The following ANKRD28 variants were observed in gnomAD, a reference collection of about 807,000 sequenced individuals.
The protein encoded by ANKRD28 is serine/threonine-protein phosphatase 6 regulatory ankyrin repeat subunit A.
In ANKRD28, 44 loss-of-function variants were observed where a neutral mutation model predicts 126.5. The ratio of observed to expected loss-of-function variants is 0.35; its 90% CI spans 0.27 to 0.45. The LOEUF is 0.45. ANKRD28 is among the 20% of genes least tolerant of loss of function. The probability of loss-of-function intolerance (pLI) is 1.00; values close to 1 mark genes in which losing one functional copy is unlikely to be tolerated. For missense variants in ANKRD28, 1,110 were observed against 1,316.6 expected, an observed-to-expected ratio of 0.84 and a Z score of 2.43; for synonymous variants, 442 against 468.5, an observed-to-expected ratio of 0.94 and a Z score of 0.73.
At chr3:15,689,603 T>C (rs865786963) in intron 18 of ANKRD28, among the ~76,000 whole-genome samples, 10 of 152,218 alleles carry the variant, frequency 6.6e-5, no homozygotes, top group African/African-American at 2.4e-4. Context: ...TAAACACTTG[T>C]GTGGGACAGG....
At chr3:15,769,532 A>C (rs1467630745) in intron 2 of ANKRD28, among the ~76,000 whole-genome samples, 1 of 152,226 alleles carries the variant, frequency 6.6e-6, no homozygotes, top group African/African-American at 2.4e-5. Flanking sequence ...GTAACAACTT[A>C]AATGCCCACT....
chr3:15,766,626 T>C (rs1425248154), intron 2 of ANKRD28, among the ~76,000 whole-genome samples: 1 of 152,014 alleles, frequency 6.6e-6, no homozygotes, highest in Non-Finnish European at 1.5e-5. Context: ...GAGCCATGAC[T>C]GCACCACTGT....
chr3:15,700,719 A>G (rs2070452681), intron 14 of ANKRD28, among the ~76,000 whole-genome samples: 1 of 152,182 alleles, frequency 6.6e-6, no homozygotes, highest in Admixed American at 6.5e-5. Context: ...GGTTGCAGTG[A>G]GCAGAGATCG....
rs767205832 is a variant in ANKRD28 at position 15,796,739 on chromosome 3, A to G, written c.-218T>C. The G allele has an allele frequency of 7.1e-6, 7 of 988,368 alleles. No individual in the cohort carries two copies. The highest frequency in any genetic ancestry group is 8.4e-6 in the Non-Finnish European group (7 of 830,072). 61.2% of individuals were successfully genotyped at this position (988,368 alleles called of 1,614,324 possible). ...AACTTCCTAAATATAACGAAATTCT[A>G]TTATTTCTGTTGGATTACTGCAATA... On this transcript the variant is annotated 5_prime_UTR_variant, in exon 1 of 28. Transcript: ENST00000683139.
chr3:15,855,031 GA>G (rs925198033), intron 1 of ANKRD28, among the ~76,000 whole-genome samples: 3 of 152,140 alleles, frequency 2.0e-5, no homozygotes, highest in Non-Finnish European at 4.4e-5. Context: ...CCTGGTGACA[GA>G]GCAAGACTCC....
At chr3:15,826,982 A>C (rs1196052234) in intron 1 of ANKRD28, among the ~76,000 whole-genome samples, 2 of 152,194 alleles carry the variant, frequency 1.3e-5, no homozygotes, top group African/African-American at 4.8e-5. Context: ...CATTTCTCAA[A>C]TGAAGACACA....
intron 3 of ANKRD28, among the ~76,000 whole-genome samples, chr3:15,762,221 A>ACAAC (rs756528519): frequency 9.9e-6 from 1 of 100,782 alleles, no homozygotes; most frequent in African/African-American, 3.3e-5. Context: ...AAACAAAACA[A>ACAAC]AAAAAAAAAA....
intron 21 of ANKRD28, among the ~76,000 whole-genome samples, chr3:15,681,785 A>G (rs2067573020): frequency 6.6e-6 from 1 of 152,192 alleles, no homozygotes; most frequent in Non-Finnish European, 1.5e-5. Context: ...GGCAATGCCT[A>G]CAGACATTTT....
intron 2 of ANKRD28, among the ~76,000 whole-genome samples, chr3:15,779,351 T>C (rs1270787363): frequency 1.3e-5 from 2 of 152,162 alleles, no homozygotes; most frequent in Admixed American, 6.5e-5. Flanking sequence ...CACATATTAC[T>C]AGACAAGTGA....
rs1469867417 is a variant in ANKRD28, at chr3:15,853,004, G to A, written c.27+6373C>T. ...TTTTTTTTAAATCAGTATCGCTTAA[G>A]GAGGGTGGATGAATAATTTAATAGC... On this transcript the variant is annotated intron_variant, in intron 1 of 27. Transcript: ENST00000399451. This position sits in a 1 kb window ranked among gnomAD's most constrained non-coding sequence, Gnocchi z 4.2. 6.6e-6 allele frequency among the ~76,000 whole-genome samples: 1 copy of A among 152,034 alleles called. No homozygotes were observed. Among genetic ancestry groups the A allele is most frequent in the Non-Finnish European group, 1.5e-5 (1 of 68,020 alleles).
At position 15,787,894 on chromosome 3, in the gene ANKRD28, T is replaced by C. The variant is rs150022504; in HGVS notation, c.201+7329A>G. 2.0e-5 allele frequency among the ~76,000 whole-genome samples: 3 copies of C among 152,348 alleles called. No homozygotes were observed. The East Asian group carries it at 5.8e-4, about 29-fold the overall frequency. On this transcript the variant is annotated intron_variant, in intron 2 of 27. Coordinates refer to ENST00000683139, the MANE Select transcript of ANKRD28 (RefSeq NM_001349278.2). ...AACAAGGGATAATAATTTGGAGGAC[T>C]ACTTTTGCAATTCATTTTTGAATAA...
Position 15,845,869 on chromosome 3 carries a change from T to C in ANKRD28, c.27+13508A>G, listed in dbSNP as rs1051703970. ...GTATGTGCCACACACTTTAAACCAT[T>C]GCATCTCGTGAAAACTCGCTCACTA... On this transcript the variant is annotated intron_variant, in intron 1 of 27. Transcript: ENST00000399451. The surrounding 1 kb of genome is among the most constrained non-coding windows in gnomAD (Gnocchi z 4.9). Among the ~76,000 whole-genome samples the C allele has an allele frequency of 6.6e-6, 1 of 152,086 alleles. No individual in the cohort carries two copies. Among genetic ancestry groups the C allele is most frequent in the African/African-American group, 2.4e-5 (1 of 41,400 alleles).
intron 1 of ANKRD28, among the ~76,000 whole-genome samples, chr3:15,852,993 G>T (rs2061685717): frequency 6.6e-6 from 1 of 151,822 alleles, no homozygotes; most frequent in African/African-American, 2.4e-5. Flanking sequence ...TTTTAAATCA[G>T]TATCGCTTAA....
Position 15,678,264 on chromosome 3 carries a change from A to G in ANKRD28, c.2652T>C (p.Ser884=), listed in dbSNP as rs1234354581. The G allele has an allele frequency of 1.2e-6, 2 of 1,613,090 alleles. No homozygotes were observed. Among genetic ancestry groups the G allele is most frequent in the South Asian group, 1.1e-5 (1 of 91,064 alleles). ...CCATCATAAGAGGTGTTTTCCCTGT[A>G]GAGTCCACAGAATTGACTTGAGCAT... ...SHNAQVNSVD[S]TGKTPLMMAA... is the part of the protein sequence containing the mutation. The change falls in exon 24 of 28, where the codon TCT becomes TCC. Residue 884 remains serine, a synonymous_variant. Coordinates refer to ENST00000683139, the MANE Select transcript of ANKRD28 (RefSeq NM_001349278.2).
At position 15,837,955 on chromosome 3, in the gene ANKRD28, G is replaced by A. The variant is rs1575799587; in HGVS notation, c.27+21422C>T. ...AATCAGGAATGAAAGAGAGGGTATC[G>A]CTACCGAACTCAGAGGAATTAAAAG... is the stretch of plus-strand genomic sequence containing the variant. On this transcript the variant is annotated intron_variant, in intron 1 of 27. Coordinates refer to the ANKRD28 transcript ENST00000399451. 3.4e-5 allele frequency among the ~76,000 whole-genome samples: 5 copies of A among 148,044 alleles called. No homozygotes were observed. The East Asian group carries it at 5.9e-4, about 17-fold the overall frequency.
At chr3:15,725,666 T>C (rs2074103666) in intron 6 of ANKRD28, among the ~76,000 whole-genome samples, 1 of 152,176 alleles carries the variant, frequency 6.6e-6, no homozygotes, top group Non-Finnish European at 1.5e-5. Context: ...CAATGTTATT[T>C]TATCTGTTTT....
At chr3:15,671,184 A>G (rs2066297854) in intron 27 of ANKRD28, among the ~76,000 whole-genome samples, 2 of 152,312 alleles carry the variant, frequency 1.3e-5, no homozygotes, top group Admixed American at 6.5e-5. Context: ...ATCAAAACAA[A>G]TATTTCCTTT....
At chr3:15,730,115 C>T (rs1414915727) in intron 6 of ANKRD28, among the ~76,000 whole-genome samples, 1 of 152,114 alleles carries the variant, frequency 6.6e-6, no homozygotes, top group Non-Finnish European at 1.5e-5. Context: ...CTCAGCCTCC[C>T]AAGTTGTTGG....
At chr3:15,722,287 A>G (rs2073813794) in intron 7 of ANKRD28, among the ~76,000 whole-genome samples, 1 of 152,224 alleles carries the variant, frequency 6.6e-6, no homozygotes, top group Non-Finnish European at 1.5e-5. Context: ...TGGAGCCCCA[A>G]TAAAAACCGA....
Sources: gnomAD v4.1 joint callset for allele counts (sites outside exome capture counted in the v4.1 genomes callset) on GRCh38, gnomAD v4.1.1 for gene constraint, Gnocchi (gnomAD v3.1) non-coding constraint, MANE v1.5 for transcripts, NCBI Gene and HGNC (gene_info 2026-07-23, HGNC 2026-07-21) for gene names.